Variants in SULF1 observed in about 807,000 individuals in gnomAD.
SULF1 encodes sulfatase 1.
Under a neutral mutation model 110.5 loss-of-function variants are expected in SULF1, and 46 were observed. That is an observed-to-expected ratio of 0.42 (90% CI 0.33 to 0.53). The LOEUF (loss-of-function observed/expected upper bound fraction) is 0.53. Among genes scored for constraint, SULF1 ranks in the 20% least tolerant of loss-of-function variants. SULF1 has a pLI of 0.12. For synonymous variants in SULF1, 371 were observed against 387.1 expected, an observed-to-expected ratio of 0.96 and a Z score of 0.49; for missense variants, 941 against 1,094.2, an observed-to-expected ratio of 0.86 and a Z score of 1.98.
intron 13 of SULF1, among the ~76,000 whole-genome samples, chr8:69,615,937 A>G (rs1170622958): frequency 2.0e-5 from 3 of 152,214 alleles, no homozygotes; most frequent in South Asian, 4.1e-4. Flanking sequence ...TGTGATTATA[A>G]AAACCACAGG....
At chr8:69,631,299 G>A (rs970057933) in intron 19 of SULF1, among the ~76,000 whole-genome samples, 4 of 152,194 alleles carry the variant, frequency 2.6e-5, no homozygotes, top group African/African-American at 7.2e-5. Context: ...TATCATCTGA[G>A]TTGAGGCCAT....
intron 19 of SULF1, chr8:69,638,023 C>T: frequency 5.8e-6 from 1 of 171,980 alleles, no homozygotes; most frequent in Non-Finnish European, 1.2e-5. Context: ...CAAGGCTTCT[C>T]TAAACCCTTC....
intron 1 of SULF1, among the ~76,000 whole-genome samples, chr8:69,494,900 A>AAAAAAG (rs1810226784): frequency 6.6e-6 from 1 of 150,998 alleles, no homozygotes; most frequent in Non-Finnish European, 1.5e-5. Context: ...AAAAAAAAAA[A>AAAAAAG]AGAGAGAGAC....
At chr8:69,640,879 C>A (rs770173020) in intron 22 of SULF1, 38 bp downstream of exon 22, 5 of 1,595,292 alleles carry the variant, frequency 3.1e-6, no homozygotes, top group Non-Finnish European at 4.3e-6. Flanking sequence ...CAGCTTCTTC[C>A]CCAATAATTG....
At chr8:69,488,665 G>A (rs1809795829), upstream of SULF1, among the ~76,000 whole-genome samples, 1 of 152,060 alleles carries the variant, frequency 6.6e-6, no homozygotes, top group African/African-American at 2.4e-5. Context: ...TGTTGGTGAG[G>A]GAGGGAGGCC....
intron 8 of SULF1, among the ~76,000 whole-genome samples, chr8:69,589,565 C>T (rs1040437971): frequency 2.0e-5 from 3 of 152,306 alleles, no homozygotes; most frequent in Middle Eastern, 3.4e-3. Context: ...AGGCGAATAC[C>T]GTAGCAGCTT....
chr8:69,659,350 A>G lies in SULF1; in HGVS notation c.*815A>G, dbSNP rs1204735097. On this transcript the variant is annotated 3_prime_UTR_variant, in exon 23 of 23. Transcript: ENST00000402687. ...GAAACTGTTACCTTACCCTAAACAC[A>G]GTATTTCTTTTTAACTTTTTTATTT... is the stretch of plus-strand genomic sequence containing the variant. 6 of 361,390 alleles carry G rather than the reference A, an allele frequency of 1.7e-5. No homozygotes were observed. Among genetic ancestry groups the G allele is most frequent in the South Asian group, 1.3e-4 (6 of 47,962 alleles). The allele number at this position is 361,390 out of a possible 1,614,324, so 22.4% of individuals were successfully genotyped here.
rs56386460 is a variant in SULF1 at position 69,510,945 on chromosome 8, T to TACACACACAC, written c.-134+9009_-134+9018dup. 8.8e-3 allele frequency among the ~76,000 whole-genome samples: 1,239 copies of TACACACACAC among 141,212 alleles called. 9 individuals are homozygous for TACACACACAC. Among genetic ancestry groups the TACACACACAC allele is most frequent in the Non-Finnish European group, 0.014 (881 of 65,100 alleles). The allele number at this position is 141,212 out of a possible 152,430, so 92.6% of individuals were successfully genotyped here. A position where few individuals can be genotyped will look rare whatever the true frequency, so the allele number is the denominator to read the frequency against. ...TAATAATGTTAGTCCATATCATCAT[T>TACACACACAC]ACACACACACACACACACACACACA... is the stretch of plus-strand genomic sequence containing the variant. On this transcript the variant is annotated intron_variant, in intron 3 of 22. Coordinates refer to ENST00000402687, the MANE Select transcript of SULF1 (RefSeq NM_001128205.2).
intron 1 of SULF1, among the ~76,000 whole-genome samples, chr8:69,467,251 A>G (rs1808894826): frequency 6.6e-6 from 1 of 152,250 alleles, no homozygotes; most frequent in African/African-American, 2.4e-5. Context: ...TGTAGAGGAT[A>G]GATAAGGCTG....
chr8:69,483,289 C>G (rs61262449), intron 1 of SULF1, among the ~76,000 whole-genome samples: 1 of 152,028 alleles, frequency 6.6e-6, no homozygotes, highest in South Asian at 2.1e-4. Context: ...TATTAATAAC[C>G]TTTATTTATA....
At chr8:69,472,886 G>A (rs1014981307) in intron 1 of SULF1, among the ~76,000 whole-genome samples, 3 of 151,858 alleles carry the variant, frequency 2.0e-5, no homozygotes, top group Admixed American at 1.3e-4. Flanking sequence ...ATCCAGGCTG[G>A]AGGGCAATTG....
intron 22 of SULF1, chr8:69,642,403 G>A (rs1156298701): frequency 5.1e-6 from 5 of 986,994 alleles, no homozygotes; most frequent in Non-Finnish European, 6.0e-6. Flanking sequence ...AGCCATGTAT[G>A]TATGTCTTCT....
chr8:69,515,587 C>T (rs1811872828), intron 3 of SULF1, among the ~76,000 whole-genome samples: 1 of 152,228 alleles, frequency 6.6e-6, no homozygotes, highest in African/African-American at 2.4e-5. Context: ...ACTTATTCTG[C>T]AGCCTTGAAT....
At chr8:69,636,486 G>A (rs1170524077) in intron 19 of SULF1, among the ~76,000 whole-genome samples, 4 of 151,754 alleles carry the variant, frequency 2.6e-5, no homozygotes, top group South Asian at 2.1e-4. Context: ...GCAGTGAGCC[G>A]AGATCGCTCC....
chr8:69,593,740 G>A (rs925732876), intron 8 of SULF1, among the ~76,000 whole-genome samples: 1 of 152,140 alleles, frequency 6.6e-6, no homozygotes, highest in Non-Finnish European at 1.5e-5. Flanking sequence ...ATCTGAGAAA[G>A]CCTCTGTCAT....
chr8:69,638,961 A>G (rs987259861), intron 21 of SULF1, 103 bp downstream of exon 21: 5 of 1,196,102 alleles, frequency 4.2e-6, no homozygotes, highest in African/African-American at 1.5e-5. Context: ...CATATAATTC[A>G]AGATACTTAG....
intron 3 of SULF1, chr8:69,562,913 GT>G (rs1815605161): frequency 6.5e-6 from 1 of 152,758 alleles, no homozygotes; most frequent in Non-Finnish European, 1.5e-5. Flanking sequence ...GAGGACATGA[GT>G]GGGACAGAGG....
intron 19 of SULF1, among the ~76,000 whole-genome samples, chr8:69,632,065 C>T (rs940995800): frequency 6.6e-6 from 1 of 152,158 alleles, no homozygotes; most frequent in Non-Finnish European, 1.5e-5. Context: ...AATAAACAAA[C>T]AAGCAAGCCA....
At chr8:69,613,174 G>A (rs2130485902) in intron 13 of SULF1, among the ~76,000 whole-genome samples, 1 of 152,070 alleles carries the variant, frequency 6.6e-6, no homozygotes, top group East Asian at 1.9e-4. Flanking sequence ...TAAGTATTTG[G>A]CTTTATTTCT....
Sources: gnomAD v4.1 joint callset for allele counts (sites outside exome capture counted in the v4.1 genomes callset) on GRCh38, gnomAD v4.1.1 for gene constraint, MANE v1.5 for transcripts, NCBI Gene and HGNC (gene_info 2026-07-23, HGNC 2026-07-21) for gene names.